CENPW: variants seen among roughly 807,000 people sequenced by gnomAD.
CENPW encodes the protein centromere protein W, also known as cancer-up-regulated gene 2 protein.
CENPW carries 3 observed loss-of-function variants against 11.1 expected under a neutral mutation model. The observed-to-expected ratio is 0.27, with a 90% CI of 0.12 to 0.70. The LOEUF is 0.70. CENPW is among the 30% of genes least tolerant of loss of function. The pLI, the probability that CENPW is intolerant of heterozygous loss-of-function variation, is 0.77. For missense variants in CENPW, 100 were observed against 105.6 expected (o/e 0.95, Z 0.23); for synonymous variants, 38 against 42.0 (o/e 0.91, Z 0.37).
the CENPW span, among the ~76,000 whole-genome samples, chr6:126,380,089 G>A: frequency 6.6e-6 from 1 of 152,270 alleles, no homozygotes; most frequent in East Asian, 1.9e-4. Flanking sequence ...AAAGTGACTT[G>A]CCAGGGGAAT....
intron 2 of CENPW, 58 bp from the exon 3 acceptor site, chr6:126,348,408 G>C: frequency 2.1e-6 from 2 of 942,340 alleles, no homozygotes; most frequent in South Asian, 1.4e-5. Context: ...TTTTGTTAAG[G>C]AATGATGTTT....
chr6:126,400,159 G>T, the CENPW span, among the ~76,000 whole-genome samples: 2 of 151,982 alleles, frequency 1.3e-5, no homozygotes, highest in Admixed American at 1.3e-4. Context: ...ATATTAGAGT[G>T]AGTAACAGTT....
chr6:126,412,561 G>A, the CENPW span, among the ~76,000 whole-genome samples: 4 of 152,004 alleles, frequency 2.6e-5, no homozygotes, highest in Non-Finnish European at 5.9e-5. Context: ...GAATTGTTGA[G>A]CTTTTTCATT....
the CENPW span, among the ~76,000 whole-genome samples, chr6:126,471,048 T>C: frequency 6.6e-6 from 1 of 152,178 alleles, no homozygotes; most frequent in East Asian, 1.9e-4. Context: ...TGGGGGACTG[T>C]TGGGAATGCA....
rs1398399254 is a variant in CENPW at position 126,348,612 on chromosome 6, G to A, written c.*120G>A. Reference sequence around the variant, plus strand: ...ATTAAATATTGGCTATAAGTGATGTGTGTGTTTGTATTTTTTTTCTGGCAT... The same window carrying A: ...ATTAAATATTGGCTATAAGTGATGTATGTGTTTGTATTTTTTTTCTGGCAT... On this transcript the variant is annotated 3_prime_UTR_variant, in exon 3 of 3. Transcript: ENST00000368328. 3 of 612,894 alleles carry A rather than the reference G, an allele frequency of 4.9e-6. No individual in the cohort carries two copies. Among genetic ancestry groups the A allele is most frequent in the East Asian group, 6.0e-5 (2 of 33,438 alleles). The allele number at this position is 612,894 out of a possible 1,614,324, so 38.0% of individuals were successfully genotyped here.
the CENPW span, among the ~76,000 whole-genome samples, chr6:126,378,334 T>C: frequency 1.2e-3 from 179 of 152,250 alleles, 1 homozygote; most frequent in African/African-American, 4.1e-3. Context: ...TGTAGAGTTT[T>C]CTATCATGGA....
chr6:126,377,813 T>C, the CENPW span, among the ~76,000 whole-genome samples: 2 of 152,182 alleles, frequency 1.3e-5, no homozygotes, highest in South Asian at 4.1e-4. Context: ...AAAAGACTTA[T>C]TCCAAACACA....
chr6:126,353,164 T>C (rs771902697), downstream of CENPW, among the ~76,000 whole-genome samples: 10 of 151,966 alleles, frequency 6.6e-5, no homozygotes, highest in Non-Finnish European at 1.3e-4. Flanking sequence ...ATTTATATTA[T>C]CACATTTACC....
chr6:126,349,557 G>A (rs1217828101), downstream of CENPW, among the ~76,000 whole-genome samples: 2 of 152,106 alleles, frequency 1.3e-5, no homozygotes, highest in African/African-American at 4.8e-5. Context: ...CATACAAGAG[G>A]TAACCTTTGG....
chr6:126,413,049 A>G, the CENPW span, among the ~76,000 whole-genome samples: 8 of 152,142 alleles, frequency 5.3e-5, no homozygotes, highest in African/African-American at 1.9e-4. Context: ...TTTCAAAATA[A>G]TTTTTACCAG....
At chr6:126,385,002 G>GA in the CENPW span, among the ~76,000 whole-genome samples, 1 of 151,936 alleles carries the variant, frequency 6.6e-6, no homozygotes, top group Non-Finnish European at 1.5e-5. Flanking sequence ...AGAAGCATAT[G>GA]AAAAAAAGCT....
the CENPW span, among the ~76,000 whole-genome samples, chr6:126,407,243 G>T: frequency 6.6e-6 from 1 of 152,016 alleles, no homozygotes; most frequent in African/African-American, 2.4e-5. Flanking sequence ...CTCCATCCAC[G>T]CCCCTGCAAA....
the CENPW span, among the ~76,000 whole-genome samples, chr6:126,471,713 T>A: frequency 1.3e-5 from 2 of 152,216 alleles, no homozygotes; most frequent in African/African-American, 4.8e-5. Context: ...AAAAGGTACA[T>A]CCCATGTGAT....
the CENPW span, among the ~76,000 whole-genome samples, chr6:126,395,889 G>A: frequency 6.6e-6 from 1 of 152,096 alleles, no homozygotes; most frequent in Non-Finnish European, 1.5e-5. Flanking sequence ...CCAAACAAAT[G>A]GAGTGTCTCC....
chr6:126,454,440 T>A, the CENPW span, among the ~76,000 whole-genome samples: 2 of 151,370 alleles, frequency 1.3e-5, no homozygotes, highest in Non-Finnish European at 3.0e-5. Flanking sequence ...TAGAATTACA[T>A]GTAAATCGAA....
chr6:126,466,104 C>G, the CENPW span, among the ~76,000 whole-genome samples: 1 of 151,970 alleles, frequency 6.6e-6, no homozygotes, highest in South Asian at 2.1e-4. Flanking sequence ...ATACATGACC[C>G]TATGCATTTT....
At chr6:126,368,267 G>C in the CENPW span, among the ~76,000 whole-genome samples, 7 of 152,204 alleles carry the variant, frequency 4.6e-5, no homozygotes, top group African/African-American at 1.2e-4. Flanking sequence ...TTATCTTATT[G>C]ACTTGTATGT....
chr6:126,375,443 A>G, the CENPW span, among the ~76,000 whole-genome samples: 1 of 152,212 alleles, frequency 6.6e-6, no homozygotes, highest in Non-Finnish European at 1.5e-5. Flanking sequence ...AGCAGGGGTC[A>G]GAAAGATGAC....
the CENPW span, among the ~76,000 whole-genome samples, chr6:126,432,348 G>C: frequency 6.6e-6 from 1 of 152,060 alleles, no homozygotes; most frequent in Non-Finnish European, 1.5e-5. Context: ...CTGGGGTATG[G>C]CTTATATCCT....
Sources: gnomAD v4.1 joint callset for allele counts (sites outside exome capture counted in the v4.1 genomes callset) on GRCh38, gnomAD v4.1.1 for gene constraint, MANE v1.5 for transcripts, NCBI Gene and HGNC (gene_info 2026-07-23, HGNC 2026-07-21) for gene names.